Variants in OR10R2 observed in about 807,000 individuals in gnomAD.
The protein encoded by OR10R2 is olfactory receptor 10R2.
In OR10R2, 1 loss-of-function variant was observed where a neutral mutation model predicts 2.4. That is an observed-to-expected ratio of 0.41 (90% CI 0.15 to 1.95). OR10R2 has a LOEUF of 1.95. Among genes scored for constraint, OR10R2 ranks in the 30% most tolerant of loss-of-function variants. The pLI is 0.30. For synonymous variants in OR10R2, 166 were observed against 144.8 expected (o/e 1.15, Z -1.05); for missense variants, 419 against 373.0 (o/e 1.12, Z -1.01).
chr1:158,473,854 T>C (rs1175268769), intron 1 of OR10R2, among the ~76,000 whole-genome samples: 1 of 125,930 alleles, frequency 7.9e-6, no homozygotes, highest in Non-Finnish European at 1.6e-5. Flanking sequence ...CCCTCCCTCC[T>C]TCCCTCTTTC....
intron 1 of OR10R2, among the ~76,000 whole-genome samples, chr1:158,473,782 CCTTCCCTCTTTCCCTCTCTG>C (rs569962481): frequency 0.14 from 15,566 of 107,444 alleles, 1,573 homozygotes; most frequent in African/African-American, 0.24. Flanking sequence ...CTTCCTCCCT[CCTTCCCTCTTTCCCTCTCTG>C]CTTCCTTCCT....
At chr1:158,479,455 A>T (rs1415935771) in intron 1 of OR10R2, among the ~76,000 whole-genome samples, 1 of 152,162 alleles carries the variant, frequency 6.6e-6, no homozygotes, top group Non-Finnish European at 1.5e-5. Context: ...TAAATCTGAC[A>T]CTAAGCTTTT....
chr1:158,473,083 C>A (rs1240699696), intron 1 of OR10R2, among the ~76,000 whole-genome samples: 1 of 152,162 alleles, frequency 6.6e-6, no homozygotes, highest in African/African-American at 2.4e-5. Context: ...TTTTATCTAG[C>A]TTCCTTGATC....
rs147039355 is a variant in OR10R2, at chr1:158,473,587, C to T, written c.27+1235C>T. On this transcript the variant is annotated intron_variant, in intron 1 of 1. Coordinates refer to ENST00000641067, the Ensembl canonical transcript of OR10R2. ...AAGGCATTGTTGTTATAAGACATGG[C>T]TCTTTGCATGTTCAGTGAACTAAGA... 1.1e-4 allele frequency among the ~76,000 whole-genome samples: 16 copies of T among 152,254 alleles called. No individual in the cohort carries two copies. In the East Asian group the frequency reaches 3.1e-3, roughly 29 times the overall value.
At chr1:158,479,158 C>T (rs2101675153) in intron 1 of OR10R2, among the ~76,000 whole-genome samples, 1 of 152,198 alleles carries the variant, frequency 6.6e-6, no homozygotes, top group Middle Eastern at 3.4e-3. Flanking sequence ...AAATGGATCA[C>T]AATGCTCCAA....
chr1:158,477,249 C>T lies in OR10R2; in HGVS notation c.28-2689C>T, dbSNP rs549475429. Reference sequence around the variant, plus strand: ...CAACATCATATTCAACAAGCAAAAGCTGGAACTATTCTTGAGAACTGAAAC... The same window carrying T: ...CAACATCATATTCAACAAGCAAAAGTTGGAACTATTCTTGAGAACTGAAAC... On this transcript the variant is annotated intron_variant, in intron 1 of 1. Transcript: ENST00000641067. 1.1e-4 allele frequency among the ~76,000 whole-genome samples: 16 copies of T among 152,220 alleles called. No homozygotes were observed. In the East Asian group the frequency reaches 2.9e-3, roughly 28 times the overall value.
intron 1 of OR10R2, 196 bp from the exon 2 acceptor site, chr1:158,479,742 G>A (rs1169790183): frequency 1.5e-5 from 9 of 617,244 alleles, no homozygotes; most frequent in Non-Finnish European, 2.6e-5. Flanking sequence ...CAGAGAAAGA[G>A]ATGTAACTTT....
Position 158,480,505 on chromosome 1 carries a change from A to AC in OR10R2, c.597dup (p.Asn200GlnfsTer5). On this transcript the variant is annotated frameshift_variant, in exon 2 of 2. Transcript: ENST00000641067. LOFTEE classifies it low-confidence loss of function (END_TRUNC). ...CTCAGCAGTCATTCTTCTGGCTTGT[A>AC]CCAACACAGATGTTAACGAATTTGT... is the stretch of plus-strand genomic sequence containing the variant. 6.2e-7 allele frequency: 1 copy of AC among 1,613,412 alleles called. No homozygotes were observed. Among genetic ancestry groups the AC allele is most frequent in the Non-Finnish European group, 8.5e-7 (1 of 1,179,364 alleles).
At chr1:158,480,271 T>C (rs762428561) in exon 2 of OR10R2, 2 of 1,614,130 alleles carry the variant, frequency 1.2e-6, no homozygotes, top group Non-Finnish European at 1.7e-6. Context: ...CATTACCAAC[T>C]GCCTGCTATT....
In OR10R2 at chr1:158,480,180, GCTCATCAATCTA is replaced by G. The variant is rs1252575932; in HGVS notation, c.273_284del (p.Ile92_Leu95del). ...ACACCTTTGTCATTCTACCCAAGAT[GCTCATCAATCTA>G]CTTTCTGTGGCCAGGACAATCTCCT... On this transcript the variant is annotated inframe_deletion, in exon 2 of 2. Coordinates refer to ENST00000641067, the Ensembl canonical transcript of OR10R2. The G allele has an allele frequency of 1.9e-6, 3 of 1,614,024 alleles. No individual in the cohort carries two copies. In the East Asian group the frequency reaches 6.7e-5, roughly 36 times the overall value.
chr1:158,477,663 T>C (rs1248764414), intron 1 of OR10R2, among the ~76,000 whole-genome samples: 1 of 151,916 alleles, frequency 6.6e-6, no homozygotes, highest in South Asian at 2.1e-4. Context: ...ATAACACAAA[T>C]AAATGGAAAA....
At chr1:158,472,423 T>C (rs918529073) in intron 1 of OR10R2, 71 bp downstream of exon 1, 4 of 398,760 alleles carry the variant, frequency 1.0e-5, no homozygotes, top group Admixed American at 8.8e-5. Context: ...ATTGGGAATA[T>C]GCTAGTTTTG....
chr1:158,476,293 A>C (rs1656266675), intron 1 of OR10R2, among the ~76,000 whole-genome samples: 2 of 151,968 alleles, frequency 1.3e-5, no homozygotes, highest in African/African-American at 2.4e-5. Flanking sequence ...CATGCCTGTA[A>C]CCCCAGCACT....
chr1:158,480,059 G>A lies in OR10R2; in HGVS notation c.149G>A (p.Gly50Asp), dbSNP rs563325474. 3 of 1,613,822 alleles carry A rather than the reference G, an allele frequency of 1.9e-6. No individual in the cohort carries two copies. The South Asian group carries it at 3.3e-5, about 18-fold the overall frequency. Residue 50 changes from glycine to aspartate, a missense_variant, in exon 2 of 2, where the codon GGC (glycine) becomes GAC (aspartate). Gly to Asp is a moderately conservative substitution (Grantham distance 94, BLOSUM62 -1). Transcript: ENST00000641067. The stretch of plus-strand genomic sequence containing the variant: ...TTTCTGTATCTAGTCATTCTTAGTG[G>A]CAATGTCACCATTATCAGTGTCATC...
chr1:158,479,962 G>T, exon 2 of OR10R2: 1 of 1,613,916 alleles, frequency 6.2e-7, no homozygotes. Context: ...CCTCACCATG[G>T]TCACCGAATT....
chr1:158,475,866 C>A (rs1656258359), intron 1 of OR10R2, among the ~76,000 whole-genome samples: 1 of 151,358 alleles, frequency 6.6e-6, no homozygotes. Flanking sequence ...TTGAATGTAT[C>A]CGTTGAAAAT....
chr1:158,480,014 C>T (rs1571295637), exon 2 of OR10R2: 2 of 1,613,876 alleles, frequency 1.2e-6, no homozygotes, highest in East Asian at 4.5e-5. Flanking sequence ...ATTCAGCTGG[C>T]CCTCTTTGTA....
exon 2 of OR10R2, chr1:158,480,657 C>A (rs958066849): frequency 1.6e-5 from 26 of 1,613,808 alleles, no homozygotes; most frequent in Non-Finnish European, 1.9e-5. Flanking sequence ...CGTTTTCCAC[C>A]TGCGCCTCTC....
At chr1:158,480,343 A>G in exon 2 of OR10R2, 1 of 1,614,018 alleles carries the variant, frequency 6.2e-7, no homozygotes, top group South Asian at 1.1e-5. Flanking sequence ...CCCCACTCTT[A>G]TGAGCTGGCA....
Sources: gnomAD v4.1 joint callset for allele counts (sites outside exome capture counted in the v4.1 genomes callset) on GRCh38, gnomAD v4.1.1 for gene constraint, MANE v1.5 for transcripts, NCBI Gene and HGNC (gene_info 2026-07-23, HGNC 2026-07-21) for gene names.